ANO10: variants seen among roughly 807,000 people sequenced by gnomAD.
The protein encoded by ANO10 is anoctamin-10.
In ANO10, 77 loss-of-function variants were observed where a neutral mutation model predicts 74.7. That is an observed-to-expected ratio of 1.03 (90% CI 0.86 to 1.25). The LOEUF (loss-of-function observed/expected upper bound fraction) is 1.25. ANO10 is among the 50% of genes most tolerant of loss of function. The pLI is 0.00. For synonymous variants in ANO10, 279 were observed against 284.9 expected, an observed-to-expected ratio of 0.98 and a Z score of 0.21; for missense variants, 721 against 778.1, an observed-to-expected ratio of 0.93 and a Z score of 0.87.
intron 11 of ANO10, among the ~76,000 whole-genome samples, chr3:43,503,330 T>G (rs1247390822): frequency 6.6e-6 from 1 of 152,216 alleles, no homozygotes; most frequent in Non-Finnish European, 1.5e-5. Context: ...TAATTTATTT[T>G]GATTTCTTGG....
chr3:43,467,976 A>G (rs1202926594), intron 11 of ANO10, among the ~76,000 whole-genome samples: 1 of 152,190 alleles, frequency 6.6e-6, no homozygotes, highest in Non-Finnish European at 1.5e-5. Flanking sequence ...CTTTCATCAC[A>G]GTGATGGAGT....
intron 4 of ANO10, among the ~76,000 whole-genome samples, chr3:43,587,969 A>C (rs1232243354): frequency 6.6e-6 from 1 of 152,214 alleles, no homozygotes; most frequent in Non-Finnish European, 1.5e-5. Flanking sequence ...TGACCCCAGT[A>C]GTGATAGAAA....
At chr3:43,491,989 G>C (rs1007261147) in intron 11 of ANO10, among the ~76,000 whole-genome samples, 1 of 152,130 alleles carries the variant, frequency 6.6e-6, no homozygotes, top group Non-Finnish European at 1.5e-5. Context: ...GAAGATGAGT[G>C]ATTTCTGCAT....
At chr3:43,631,802 G>C (rs954610781) in intron 1 of ANO10, among the ~76,000 whole-genome samples, 11 of 151,898 alleles carry the variant, frequency 7.2e-5, no homozygotes, top group Non-Finnish European at 1.6e-4. Context: ...AAAGTTACAG[G>C]CTGGGTACAG....
At chr3:43,533,545 A>G (rs942041047) in intron 11 of ANO10, among the ~76,000 whole-genome samples, 1 of 152,240 alleles carries the variant, frequency 6.6e-6, no homozygotes, top group Non-Finnish European at 1.5e-5. Flanking sequence ...CTTATTTTAA[A>G]AACTTTAATA....
chr3:43,456,396 C>T (rs2075128850), intron 11 of ANO10, among the ~76,000 whole-genome samples: 1 of 152,218 alleles, frequency 6.6e-6, no homozygotes, highest in Admixed American at 6.5e-5. Flanking sequence ...CTGAGGTAAG[C>T]TCTTGCACAC....
At chr3:43,428,736 G>C (rs1398328628) in intron 12 of ANO10, among the ~76,000 whole-genome samples, 1 of 135,072 alleles carries the variant, frequency 7.4e-6, no homozygotes, top group Non-Finnish European at 1.5e-5. Context: ...AAGTAATACA[G>C]GTTGAGCATC....
chr3:43,590,171 G>GA (rs1368408424), intron 4 of ANO10, among the ~76,000 whole-genome samples: 1 of 152,176 alleles, frequency 6.6e-6, no homozygotes, highest in Non-Finnish European at 1.5e-5. Flanking sequence ...TATACAAATT[G>GA]AAAAGAATCA....
chr3:43,513,756 T>G (rs1310731272), intron 11 of ANO10, among the ~76,000 whole-genome samples: 1 of 152,088 alleles, frequency 6.6e-6, no homozygotes, highest in East Asian at 1.9e-4. Context: ...GTGATCCGCC[T>G]GCCTTGGCCT....
intron 1 of ANO10, among the ~76,000 whole-genome samples, chr3:43,665,151 T>C (rs1189714639): frequency 6.6e-6 from 1 of 152,112 alleles, no homozygotes; most frequent in Non-Finnish European, 1.5e-5. Context: ...ATAGACTGGA[T>C]TAAGAAAATG....
intron 12 of ANO10, among the ~76,000 whole-genome samples, chr3:43,425,723 A>AAATCCAGTGAGGACAGGCTAT (rs2092889867): frequency 6.6e-6 from 1 of 152,186 alleles, no homozygotes; most frequent in African/African-American, 2.4e-5. Flanking sequence ...GTACAGCATC[A>AAATCCAGTGAGGACAGGCTAT]CATGACAGAT....
chr3:43,621,386 T>C (rs916488294), intron 1 of ANO10, among the ~76,000 whole-genome samples: 2 of 152,214 alleles, frequency 1.3e-5, no homozygotes, highest in Admixed American at 6.5e-5. Context: ...AGCATTATCC[T>C]GCAAGCCCGC....
chr3:43,521,003 GTC>G (rs1264006830), intron 11 of ANO10, among the ~76,000 whole-genome samples: 2 of 151,982 alleles, frequency 1.3e-5, no homozygotes, highest in East Asian at 3.8e-4. Flanking sequence ...CATTGTTCTT[GTC>G]TCTTGTAACC....
intron 4 of ANO10, among the ~76,000 whole-genome samples, chr3:43,588,975 G>A (rs1399452534): frequency 6.6e-6 from 1 of 151,956 alleles, no homozygotes; most frequent in East Asian, 1.9e-4. Flanking sequence ...AGGGACACAA[G>A]AACTACATGA....
intron 11 of ANO10, among the ~76,000 whole-genome samples, chr3:43,483,162 C>T (rs924880478): frequency 1.3e-5 from 2 of 152,218 alleles, no homozygotes; most frequent in Admixed American, 1.3e-4. Context: ...AGGAATTCAA[C>T]AAGATGATCA....
intron 11 of ANO10, chr3:43,472,561 C>T (rs2075902998): frequency 1.3e-5 from 2 of 151,484 alleles, no homozygotes; most frequent in African/African-American, 4.8e-5. Flanking sequence ...CCACTCTTTC[C>T]CCACCCTTCT....
chr3:43,533,727 A>G (rs2078573736), intron 11 of ANO10, among the ~76,000 whole-genome samples: 1 of 152,182 alleles, frequency 6.6e-6, no homozygotes, highest in Admixed American at 6.5e-5. Flanking sequence ...TTGTACTTCA[A>G]CCTGTCATTT....
chr3:43,452,400 G>A (rs960469711), intron 11 of ANO10, among the ~76,000 whole-genome samples: 2 of 152,094 alleles, frequency 1.3e-5, no homozygotes, highest in Non-Finnish European at 2.9e-5. Context: ...TAGTTATTCT[G>A]GAAATTCCAC....
intron 12 of ANO10, among the ~76,000 whole-genome samples, chr3:43,403,426 G>A (rs889442675): frequency 6.6e-6 from 1 of 152,246 alleles, no homozygotes; most frequent in Non-Finnish European, 1.5e-5. Flanking sequence ...GATCATCTGG[G>A]CACATGAGGA....
Sources: allele counts gnomAD v4.1 joint callset (sites outside exome capture counted in the v4.1 genomes callset), GRCh38; gene constraint gnomAD v4.1.1; transcripts MANE v1.5; gene names NCBI Gene and HGNC (gene_info 2026-07-23, HGNC 2026-07-21).